Variants in JAKMIP3 observed in about 807,000 individuals in gnomAD.
The protein encoded by JAKMIP3 is Janus kinase and microtubule interacting protein 3, also known as janus kinase and microtubule-interacting protein 3.
Under a neutral mutation model 118.5 loss-of-function variants are expected in JAKMIP3, and 58 were observed. The ratio of observed to expected loss-of-function variants is 0.49; its 90% confidence interval spans 0.40 to 0.61. JAKMIP3 has a LOEUF of 0.61. JAKMIP3 is among the 20% of genes least tolerant of loss of function. The probability of loss-of-function intolerance (pLI) is 0.00; values close to 1 mark genes in which losing one functional copy is unlikely to be tolerated. For synonymous variants in JAKMIP3, 486 were observed against 451.2 expected, an observed-to-expected ratio of 1.08 and a Z score of -0.98; for missense variants, 950 against 1,109.0, an observed-to-expected ratio of 0.86 and a Z score of 2.04.
Position 132,167,026 on chromosome 10 carries a change from G to A in JAKMIP3, c.2534G>A (p.Trp845Ter). The part of the protein sequence containing the change: ...FLFFSLAFIL[W>*]S ...TTTTTCTCCTTAGCTTTCATTCTCTGGTCATAGTCCGTCTTGGCACCCTGA... is the reference window on the plus strand; with the variant it reads ...TTTTTCTCCTTAGCTTTCATTCTCTAGTCATAGTCCGTCTTGGCACCCTGA... The change falls in exon 22 of 24, where the codon TGG (tryptophan) becomes TAG (stop). Residue 845 changes from tryptophan to a stop codon, truncating the protein, a stop_gained. Coordinates refer to ENST00000684848, the MANE Select transcript of JAKMIP3 (RefSeq NM_001323087.2). LOFTEE classifies it high-confidence loss of function. The A allele has an allele frequency of 6.5e-7, 1 of 1,550,106 alleles. No individual in the cohort carries two copies. The highest frequency in any genetic ancestry group is 1.2e-5 in the South Asian group (1 of 84,028).
intron 1 of JAKMIP3, among the ~76,000 whole-genome samples, chr10:132,054,891 G>A (rs575325762): frequency 6.6e-5 from 10 of 152,074 alleles, no homozygotes; most frequent in Non-Finnish European, 8.8e-5. Flanking sequence ...AGGACCCTCC[G>A]CTTGGGGATA....
chr10:132,116,303 C>T (rs1396939292), intron 2 of JAKMIP3, among the ~76,000 whole-genome samples: 1 of 152,384 alleles, frequency 6.6e-6, no homozygotes, highest in South Asian at 2.1e-4. Context: ...AAAAAATCTT[C>T]CCCAAGTGCA....
intron 2 of JAKMIP3, among the ~76,000 whole-genome samples, chr10:132,111,479 C>A (rs368250607): frequency 6.6e-6 from 1 of 152,116 alleles, no homozygotes; most frequent in Non-Finnish European, 1.5e-5. Context: ...CAGGTGCAGC[C>A]CTCATGGGGA....
chr10:132,082,231 A>T lies in JAKMIP3; in HGVS notation c.-138+16170A>T, dbSNP rs573386975. ...AATAATTTTCAAATTATTATTTTTTAAATTTTTTATTTCCATAGGTTATTG... is the reference window on the plus strand; with the variant it reads ...AATAATTTTCAAATTATTATTTTTTTAATTTTTTATTTCCATAGGTTATTG... On this transcript the variant is annotated intron_variant, in intron 1 of 23. Coordinates refer to ENST00000684848, the MANE Select transcript of JAKMIP3 (RefSeq NM_001323087.2). Among the ~76,000 whole-genome samples, 42 of 149,722 alleles carry T rather than the reference A, an allele frequency of 2.8e-4. 1 individual carries two copies. In the South Asian group the frequency reaches 8.1e-3, roughly 29 times the overall value.
At chr10:132,180,738 C>CGCGCGCGCGT (rs1565021635) in intron 23 of JAKMIP3, among the ~76,000 whole-genome samples, 1 of 7,480 alleles carries the variant, frequency 1.3e-4, no homozygotes, top group African/African-American at 6.5e-4. Flanking sequence ...TGCGTGTGTG[C>CGCGCGCGCGT]GTGCGTGCGC....
chr10:132,039,571 G>A (rs537482583), intron 1 of JAKMIP3, among the ~76,000 whole-genome samples: 40 of 152,326 alleles, frequency 2.6e-4, no homozygotes, highest in South Asian at 6.2e-4. Context: ...TCACCTGCCT[G>A]TGGCTCACTG....
intron 1 of JAKMIP3, among the ~76,000 whole-genome samples, chr10:132,066,289 G>C (rs767588996): frequency 6.6e-6 from 1 of 152,246 alleles, no homozygotes; most frequent in Non-Finnish European, 1.5e-5. Context: ...TTTGGAGGAG[G>C]CTTGGGCCTG....
intron 13 of JAKMIP3, among the ~76,000 whole-genome samples, chr10:132,146,087 C>A: frequency 6.6e-6 from 1 of 152,174 alleles, no homozygotes; most frequent in East Asian, 1.9e-4. Flanking sequence ...GGTCCAGGCT[C>A]TCTTGGTCCC....
chr10:132,172,403 G>T (rs977663744), intron 23 of JAKMIP3, among the ~76,000 whole-genome samples: 15 of 152,046 alleles, frequency 9.9e-5, no homozygotes, highest in Non-Finnish European at 1.8e-4. Flanking sequence ...TACTGGGGGA[G>T]ATTCGCCGAG....
chr10:132,092,785 A>G (rs2043261286), intron 1 of JAKMIP3, among the ~76,000 whole-genome samples: 1 of 152,294 alleles, frequency 6.6e-6, no homozygotes, highest in East Asian at 1.9e-4. Context: ...GTCATTCTCT[A>G]TCCAGCTTTG....
At chr10:132,159,661 ATGCTGGGG>A (rs2057714568) in intron 19 of JAKMIP3, among the ~76,000 whole-genome samples, 1 of 73,202 alleles carries the variant, frequency 1.4e-5, no homozygotes, top group Admixed American at 1.9e-4. Flanking sequence ...TCCCTGTGTG[ATGCTGGGG>A]GGTCCTCTCC....
chr10:132,106,697 A>C (rs2045966365), intron 2 of JAKMIP3, among the ~76,000 whole-genome samples: 1 of 152,208 alleles, frequency 6.6e-6, no homozygotes, highest in Non-Finnish European at 1.5e-5. Context: ...GCAGGAGCAC[A>C]AGGTCAGGGT....
chr10:132,173,044 C>T (rs1033257295), intron 23 of JAKMIP3, among the ~76,000 whole-genome samples: 2 of 2,452 alleles, frequency 8.2e-4, no homozygotes, highest in Non-Finnish European at 1.7e-3. Context: ...TCTCTCTCTC[C>T]CTCTCTCTCT....
chr10:132,106,439 C>A (rs1177050951), intron 2 of JAKMIP3, among the ~76,000 whole-genome samples: 2 of 152,158 alleles, frequency 1.3e-5, no homozygotes, highest in African/African-American at 4.8e-5. Flanking sequence ...TATTTACCAT[C>A]TGGCCCCGCC....
Position 132,117,667 on chromosome 10 carries a change from G to C in JAKMIP3, c.633+93G>C. On this transcript the variant is annotated intron_variant, in intron 3 of 23. Coordinates refer to ENST00000684848, the MANE Select transcript of JAKMIP3 (RefSeq NM_001323087.2). This position sits in a 1 kb window ranked among gnomAD's most constrained non-coding sequence, Gnocchi z 8.6. ...CGGGCGTGGGCGAGGGTGCAGGCGT[G>C]GGCTCGGGGAGCACGCGGGCAGCAC... 1.6e-6 allele frequency: 2 copies of C among 1,249,122 alleles called. No homozygotes were observed. Among genetic ancestry groups the C allele is most frequent in the Non-Finnish European group, 2.0e-6 (2 of 981,610 alleles). The allele number at this position is 1,249,122 out of a possible 1,614,324, so 77.4% of individuals were successfully genotyped here. A position where few individuals can be genotyped will look rare whatever the true frequency, so the allele number is the denominator to read the frequency against.
intron 1 of JAKMIP3, among the ~76,000 whole-genome samples, chr10:132,087,501 AGGTTT>A (rs2042549234): frequency 6.6e-6 from 1 of 152,032 alleles, no homozygotes; most frequent in African/African-American, 2.4e-5. Context: ...AATTATTCTT[AGGTTT>A]GGTCATTTAA....
rs2053278548 is a variant in JAKMIP3 at position 132,140,528 on chromosome 10, AACAG to A, written c.1427_1430del (p.Asp476GlyfsTer24). Reference sequence around the variant, plus strand: ...CCGACGGCTCCTCCGTCTCTTACCAAACAGACAGGACGGACCAGACCCCGTGCAC... The same window carrying A: ...CCGACGGCTCCTCCGTCTCTTACCAAACAGGACGGACCAGACCCCGTGCAC... On this transcript the variant is annotated frameshift_variant, in exon 10 of 24. Coordinates refer to ENST00000684848, the MANE Select transcript of JAKMIP3 (RefSeq NM_001323087.2). LOFTEE classifies it high-confidence loss of function. The A allele has an allele frequency of 6.2e-7, 1 of 1,613,534 alleles. No individual in the cohort carries two copies. Among genetic ancestry groups the A allele is most frequent in the African/African-American group, 1.3e-5 (1 of 74,906 alleles).
intron 19 of JAKMIP3, among the ~76,000 whole-genome samples, chr10:132,162,910 G>A (rs2058506638): frequency 1.3e-5 from 2 of 152,170 alleles, no homozygotes; most frequent in African/African-American, 4.8e-5. Flanking sequence ...GCCACCTGCA[G>A]CCCCTCCACC....
At chr10:132,065,809 G>A (rs2038684995), upstream of JAKMIP3, among the ~76,000 whole-genome samples, 1 of 152,114 alleles carries the variant, frequency 6.6e-6, no homozygotes, top group Non-Finnish European at 1.5e-5. This position sits in a 1 kb window ranked among gnomAD's most constrained non-coding sequence, Gnocchi z 5.6. Context: ...GCCTTAAGGT[G>A]CACAGGGAGA....
Sources: gnomAD v4.1 joint callset for allele counts (sites outside exome capture counted in the v4.1 genomes callset) on GRCh38, gnomAD v4.1.1 for gene constraint, Gnocchi (gnomAD v3.1) non-coding constraint, MANE v1.5 for transcripts, NCBI Gene and HGNC (gene_info 2026-07-23, HGNC 2026-07-21) for gene names.